The following DOCK3 variants were observed in gnomAD, a reference collection of about 807,000 sequenced individuals.
The protein encoded by DOCK3 is dedicator of cytokinesis protein 3.
DOCK3 carries 60 observed loss-of-function variants against 265.6 expected under a neutral mutation model. The ratio of observed to expected loss-of-function variants is 0.23; its 90% confidence interval spans 0.18 to 0.28. The LOEUF (loss-of-function observed/expected upper bound fraction) is 0.28, where lower values mean the gene tolerates loss of function less well. Among genes scored for constraint, DOCK3 ranks in the 10% least tolerant of loss-of-function variants. DOCK3 has a pLI of 1.00. For synonymous variants in DOCK3, 881 were observed against 938.0 expected, an observed-to-expected ratio of 0.94 and a Z score of 1.11; for missense variants, 1,981 against 2,594.3, an observed-to-expected ratio of 0.76 and a Z score of 5.14.
chr3:50,935,110 C>G (rs2051284261), intron 5 of DOCK3, among the ~76,000 whole-genome samples: 1 of 152,098 alleles, frequency 6.6e-6, no homozygotes, highest in South Asian at 2.1e-4. Context: ...CTTGGAAATG[C>G]TAGTGGGTAG....
chr3:51,097,402 T>C (rs2082901289), intron 9 of DOCK3, among the ~76,000 whole-genome samples: 1 of 152,216 alleles, frequency 6.6e-6, no homozygotes, highest in Non-Finnish European at 1.5e-5. Context: ...TTTGTTTACA[T>C]TGTGACAGGA....
At chr3:51,127,405 T>C (rs2084316784) in intron 9 of DOCK3, among the ~76,000 whole-genome samples, 1 of 152,150 alleles carries the variant, frequency 6.6e-6, no homozygotes, top group South Asian at 2.1e-4. Flanking sequence ...TCATACATAA[T>C]CTTTGAATAA....
chr3:50,842,991 G>A (rs1378728571), intron 3 of DOCK3, among the ~76,000 whole-genome samples: 3 of 152,130 alleles, frequency 2.0e-5, no homozygotes, highest in Non-Finnish European at 2.9e-5. Context: ...GAGGATCAGC[G>A]CGTGGACTGT....
intron 18 of DOCK3, among the ~76,000 whole-genome samples, chr3:51,229,208 T>C (rs1576470215): frequency 6.6e-6 from 1 of 152,102 alleles, no homozygotes; most frequent in Non-Finnish European, 1.5e-5. Context: ...CCCAGCACTT[T>C]GGGAGGCCGA....
intron 1 of DOCK3, among the ~76,000 whole-genome samples, chr3:50,717,860 A>G (rs573122671): frequency 1.3e-4 from 20 of 152,286 alleles, no homozygotes; most frequent in Admixed American, 9.8e-4. Flanking sequence ...CCTGGCTTCA[A>G]GTGATCCGCC....
chr3:51,248,686 G>T (rs1363928414), intron 22 of DOCK3, among the ~76,000 whole-genome samples: 8 of 151,680 alleles, frequency 5.3e-5, no homozygotes, highest in Non-Finnish European at 1.0e-4. Context: ...CCTCTGCCTG[G>T]CTGCCCAGTC....
chr3:50,832,237 A>G (rs944631205), intron 2 of DOCK3, among the ~76,000 whole-genome samples: 2 of 152,250 alleles, frequency 1.3e-5, no homozygotes, highest in African/African-American at 4.8e-5. Flanking sequence ...ACTTAAACGT[A>G]AGAACTAAAA....
In DOCK3 at chr3:51,332,892, A is replaced by T. The variant is rs2084622538; in HGVS notation, c.3489-109A>T. The T allele has an allele frequency of 2.8e-6, 4 of 1,439,924 alleles. No individual in the cohort carries two copies. The East Asian group carries it at 9.6e-5, about 34-fold the overall frequency. The allele number at this position is 1,439,924 out of a possible 1,614,324, so 89.2% of individuals were successfully genotyped here. A position where few individuals can be genotyped will look rare whatever the true frequency, so the allele number is the denominator to read the frequency against. On this transcript the variant is annotated intron_variant, in intron 33 of 52. Coordinates refer to ENST00000266037, the MANE Select transcript of DOCK3 (RefSeq NM_004947.5). ...TGGAGCCGAACCCCTCCCTCCCCCC[A>T]CCTCAGTGGCATCCTTAGGAACTTG...
intron 22 of DOCK3, among the ~76,000 whole-genome samples, chr3:51,248,566 G>A (rs1445544289): frequency 6.6e-6 from 1 of 152,142 alleles, no homozygotes; most frequent in Non-Finnish European, 1.5e-5. Flanking sequence ...CCAGCCGCCT[G>A]CCTTGGCCTC....
At chr3:51,156,034 T>TC (rs1383385496) in intron 10 of DOCK3, among the ~76,000 whole-genome samples, 1 of 152,200 alleles carries the variant, frequency 6.6e-6, no homozygotes, top group Non-Finnish European at 1.5e-5. Context: ...TCTTCTACAT[T>TC]CCAAGATAGA....
At chr3:50,880,451 G>A (rs536767134) in intron 3 of DOCK3, 269 of 155,048 alleles carry the variant, frequency 1.7e-3, no homozygotes, top group Middle Eastern at 3.4e-3. Flanking sequence ...GGATATCACC[G>A]CCGATCCCAC....
chr3:50,926,992 C>T (rs1047166522), intron 4 of DOCK3, among the ~76,000 whole-genome samples: 2 of 152,312 alleles, frequency 1.3e-5, no homozygotes, highest in Non-Finnish European at 2.9e-5. Context: ...CCGTCTCACA[C>T]AGAGCAAACA....
chr3:50,690,605 A>G (rs2035161510), intron 1 of DOCK3, among the ~76,000 whole-genome samples: 1 of 151,946 alleles, frequency 6.6e-6, no homozygotes. Context: ...ACTGTTCTAC[A>G]TTCATTCATT....
At chr3:51,011,646 G>A (rs927589327) in intron 5 of DOCK3, among the ~76,000 whole-genome samples, 1 of 152,162 alleles carries the variant, frequency 6.6e-6, no homozygotes, top group African/African-American at 2.4e-5. Context: ...TCTCTATCCA[G>A]CTTTGTTGCA....
chr3:50,836,560 C>T (rs1301542161), intron 2 of DOCK3, among the ~76,000 whole-genome samples: 1 of 152,168 alleles, frequency 6.6e-6, no homozygotes, highest in Non-Finnish European at 1.5e-5. Flanking sequence ...CTGCACACAG[C>T]AGTGGGGCCC....
intron 2 of DOCK3, among the ~76,000 whole-genome samples, chr3:50,783,146 A>G (rs546878640): frequency 2.0e-5 from 3 of 152,052 alleles, no homozygotes; most frequent in Non-Finnish European, 4.4e-5. Context: ...ATGCGTGTGC[A>G]TGCGTCTTTT....
chr3:50,788,093 GT>G, intron 2 of DOCK3: 1 of 755,608 alleles, frequency 1.3e-6, no homozygotes, highest in South Asian at 1.8e-5. Flanking sequence ...GCTCATCTTG[GT>G]GTCCACAAAC....
chr3:51,220,309 A>G, intron 14 of DOCK3, among the ~76,000 whole-genome samples: 1 of 152,162 alleles, frequency 6.6e-6, no homozygotes, highest in Admixed American at 6.5e-5. Flanking sequence ...GCACATCTGT[A>G]GAAACCCCTC....
At chr3:51,266,901 T>A (rs2080204648) in intron 23 of DOCK3, among the ~76,000 whole-genome samples, 1 of 152,092 alleles carries the variant, frequency 6.6e-6, no homozygotes, top group African/African-American at 2.4e-5. Flanking sequence ...AGCTATAGAA[T>A]AGGAGAAAAT....
Sources: gnomAD v4.1 joint callset for allele counts (sites outside exome capture counted in the v4.1 genomes callset) on GRCh38, gnomAD v4.1.1 for gene constraint, MANE v1.5 for transcripts, NCBI Gene and HGNC (gene_info 2026-07-23, HGNC 2026-07-21) for gene names.